RTRAF: variants seen among roughly 807,000 people sequenced by gnomAD.
RTRAF encodes tRNA-splicing ligase complex subunit RTRAF.
In RTRAF, 14 loss-of-function variants were observed where a neutral mutation model predicts 34.4. The ratio of observed to expected loss-of-function variants is 0.41; its 90% CI spans 0.27 to 0.64. The LOEUF is 0.64. Ranked by LOEUF, RTRAF falls within the 30% of genes least tolerant of loss-of-function variation. The pLI, the probability that RTRAF is intolerant of heterozygous loss-of-function variation, is 0.34. For synonymous variants in RTRAF, 96 were observed against 95.3 expected, an observed-to-expected ratio of 1.01 and a Z score of -0.04; for missense variants, 291 against 288.4, an observed-to-expected ratio of 1.01 and a Z score of -0.06.
chr14:51,995,974 T>C (rs1890515601), intron 3 of RTRAF, among the ~76,000 whole-genome samples: 1 of 152,166 alleles, frequency 6.6e-6, no homozygotes, highest in East Asian at 1.9e-4. Flanking sequence ...CAAAACTGTT[T>C]TTCATTTATT....
rs1410059313 is a variant in RTRAF, at chr14:52,007,614, T to C, written c.*3098T>C. On this transcript the variant is annotated 3_prime_UTR_variant, in exon 8 of 8. Transcript: ENST00000261700. ...CAGTACAAACTTACTGCTTGATATA[T>C]CCTTCCCTCCACCCAAACCCCAGAA... The C allele has an allele frequency of 1.7e-6, 1 of 588,064 alleles. No homozygotes were observed. 36.4% of individuals were successfully genotyped at this position (588,064 alleles called of 1,614,324 possible). A position where few individuals can be genotyped will look rare whatever the true frequency, so the allele number is the denominator to read the frequency against.
chr14:52,001,127 A>G (rs898660955), intron 5 of RTRAF, among the ~76,000 whole-genome samples: 1 of 152,212 alleles, frequency 6.6e-6, no homozygotes, highest in African/African-American at 2.4e-5. Context: ...GGTTTTTCAA[A>G]GATAGCATTT....
intron 3 of RTRAF, among the ~76,000 whole-genome samples, chr14:51,996,892 G>A (rs771488661): frequency 6.6e-6 from 1 of 152,004 alleles, no homozygotes; most frequent in Non-Finnish European, 1.5e-5. Context: ...ATCTGGAACA[G>A]TTCCTGTCTT....
At chr14:52,000,835 A>T (rs1224722889) in intron 5 of RTRAF, among the ~76,000 whole-genome samples, 1 of 152,190 alleles carries the variant, frequency 6.6e-6, no homozygotes, top group Admixed American at 6.5e-5. Context: ...TCATAAAGTA[A>T]GTGAGAGGAG....
intron 2 of RTRAF, 67 bp from the exon 3 acceptor site, chr14:51,993,656 C>A: frequency 2.1e-6 from 2 of 935,068 alleles, no homozygotes; most frequent in Non-Finnish European, 3.4e-6. Context: ...TTCAACTCTC[C>A]CATTCTTTTT....
chr14:52,005,869 G>A lies in RTRAF; in HGVS notation c.*1353G>A. The A allele has an allele frequency of 6.5e-7, 1 of 1,528,904 alleles. No homozygotes were observed. The highest frequency in any genetic ancestry group is 1.1e-5 in the South Asian group (1 of 89,330). 94.7% of individuals were successfully genotyped at this position (1,528,904 alleles called of 1,614,324 possible). A position where few individuals can be genotyped will look rare whatever the true frequency, so the allele number is the denominator to read the frequency against. ...CCATCCCTGGTAACAGAAAGGAAGA[G>A]TGAATTCAGGGACAGTCATTTACTA... On this transcript the variant is annotated 3_prime_UTR_variant, in exon 8 of 8. Coordinates refer to ENST00000261700, the MANE Select transcript of RTRAF (RefSeq NM_016039.3).
chr14:52,000,603 T>A (rs534951247), intron 5 of RTRAF, among the ~76,000 whole-genome samples: 141 of 152,314 alleles, frequency 9.3e-4, no homozygotes, highest in Admixed American at 1.6e-3. Flanking sequence ...TTTTTAGATT[T>A]TTATTATTAA....
rs1890861954 is a variant in RTRAF at position 52,008,078 on chromosome 14, A to G, written c.*3562A>G. 7.1e-6 allele frequency: 6 copies of G among 844,626 alleles called. No homozygotes were observed. In the South Asian group the frequency reaches 7.3e-5, roughly 10 times the overall value. The allele number at this position is 844,626 out of a possible 1,614,324, so 52.3% of individuals were successfully genotyped here. On this transcript the variant is annotated 3_prime_UTR_variant, in exon 8 of 8. Transcript: ENST00000261700. ...TCCTCATGTATTATAGCCTTAAGCA[A>G]TCCCCTTGAGTTTGGGCTGCATTAG...
rs1890918499 is a variant in RTRAF at position 52,009,309 on chromosome 14, A to T, written c.*4793A>T. On this transcript the variant is annotated 3_prime_UTR_variant, in exon 8 of 8. Coordinates refer to ENST00000261700, the MANE Select transcript of RTRAF (RefSeq NM_016039.3). ...AAAATGATTTAATATCATCAACAAC[A>T]ATAAGTCTGAAACAAGCTCACACAG... 6.6e-6 allele frequency: 1 copy of T among 152,226 alleles called. No individual in the cohort carries two copies. The highest frequency in any genetic ancestry group is 6.5e-5 in the Admixed American group (1 of 15,290). The allele number at this position is 152,226 out of a possible 1,614,324, so 9.4% of individuals were successfully genotyped here. A position where few individuals can be genotyped will look rare whatever the true frequency, so the allele number is the denominator to read the frequency against.
At position 52,004,644 on chromosome 14, in the gene RTRAF, T is replaced by A. The variant is rs1221847851; in HGVS notation, c.*128T>A. ...CAGAAAATTGGGTATGTTCTAGAGA[T>A]TTACCACCATTGCTTATTGCTTTTT... On this transcript the variant is annotated 3_prime_UTR_variant, in exon 8 of 8. Coordinates refer to ENST00000261700, the MANE Select transcript of RTRAF (RefSeq NM_016039.3). 1.3e-6 allele frequency: 1 copy of A among 790,632 alleles called. No homozygotes were observed. Among genetic ancestry groups the A allele is most frequent in the Non-Finnish European group, 2.0e-6 (1 of 511,202 alleles). The allele number at this position is 790,632 out of a possible 1,614,324, so 49.0% of individuals were successfully genotyped here.
In RTRAF at chr14:52,006,586, A is replaced by AG; in HGVS notation, c.*2074dup. The AG allele has an allele frequency of 6.2e-7, 1 of 1,613,884 alleles. No individual in the cohort carries two copies. The highest frequency in any genetic ancestry group is 2.2e-5 in the East Asian group (1 of 44,860). On this transcript the variant is annotated 3_prime_UTR_variant, in exon 8 of 8. Coordinates refer to ENST00000261700, the MANE Select transcript of RTRAF (RefSeq NM_016039.3). ...TGATCTGCATAGCTTACGATGCTGA[A>AG]GGGGTACTTGAGGTTGTTTTGAATG...
Position 52,007,470 on chromosome 14 carries a change from T to C in RTRAF, c.*2954T>C. The C allele has an allele frequency of 3.6e-6, 1 of 280,938 alleles. No individual in the cohort carries two copies. Among genetic ancestry groups the C allele is most frequent in the Non-Finnish European group, 6.8e-6 (1 of 147,968 alleles). The allele number at this position is 280,938 out of a possible 1,614,324, so 17.4% of individuals were successfully genotyped here. The stretch of plus-strand genomic sequence containing the variant: ...TCCTTAGCATTATAACAGATGTTTA[T>C]AGGTAAGTTATAGTGACCCTCTCCC... On this transcript the variant is annotated 3_prime_UTR_variant, in exon 8 of 8. Coordinates refer to ENST00000261700, the MANE Select transcript of RTRAF (RefSeq NM_016039.3).
At position 52,007,999 on chromosome 14, in the gene RTRAF, T is replaced by G. The variant is rs201572293; in HGVS notation, c.*3483T>G. ...GTTAAAAATCAAGATTGTAAAAGAA[T>G]AGCCATGTAGCCTGTGGTAGGCAGC... On this transcript the variant is annotated 3_prime_UTR_variant, in exon 8 of 8. Transcript: ENST00000261700. The G allele has an allele frequency of 5.1e-6, 8 of 1,570,454 alleles. No homozygotes were observed. The African/African-American group carries it at 9.6e-5, about 19-fold the overall frequency.
At chr14:51,995,399 T>C (rs992104008) in intron 3 of RTRAF, among the ~76,000 whole-genome samples, 2 of 152,272 alleles carry the variant, frequency 1.3e-5, no homozygotes, top group African/African-American at 4.8e-5. Context: ...CAGTCTCTTA[T>C]CTGATTCTGC....
At chr14:51,996,435 C>T (rs1253682) in intron 3 of RTRAF, among the ~76,000 whole-genome samples, 79,577 of 151,802 alleles carry the variant, frequency 0.52, 21,198 homozygotes, top group East Asian at 0.71. Flanking sequence ...TTATTATTTG[C>T]GCTCTACTAT....
chr14:51,995,674 T>C (rs1305699957), intron 3 of RTRAF, among the ~76,000 whole-genome samples: 3 of 152,180 alleles, frequency 2.0e-5, no homozygotes, highest in East Asian at 3.9e-4. Flanking sequence ...ATGCAGTATA[T>C]GTGAGTGTTT....
chr14:52,009,222 A>T lies in RTRAF; in HGVS notation c.*4706A>T, dbSNP rs143636514. On this transcript the variant is annotated 3_prime_UTR_variant, in exon 8 of 8. Transcript: ENST00000261700. ...CAGTTTCCACTTTGCGCTAAGGTGG[A>T]GGTGGCCAGAGGGTACAGCATGCAT... The T allele has an allele frequency of 1.3e-5, 2 of 152,324 alleles. No individual in the cohort carries two copies. The highest frequency in any genetic ancestry group is 3.9e-4 in the East Asian group (2 of 5,182). 9.4% of individuals were successfully genotyped at this position (152,324 alleles called of 1,614,324 possible). A position where few individuals can be genotyped will look rare whatever the true frequency, so the allele number is the denominator to read the frequency against.
Position 52,005,459 on chromosome 14 carries a change from T to C in RTRAF, c.*943T>C. 1 of 1,576,892 alleles carries C rather than the reference T, an allele frequency of 6.3e-7. No individual in the cohort carries two copies. Among genetic ancestry groups the C allele is most frequent in the Non-Finnish European group, 8.6e-7 (1 of 1,165,250 alleles). Reference sequence around the variant, plus strand: ...TAGGGTCCAGGTTCTGATTGTAAACTCCAAGTCTTCCTTTACATTACTGTA... The same window carrying C: ...TAGGGTCCAGGTTCTGATTGTAAACCCCAAGTCTTCCTTTACATTACTGTA... On this transcript the variant is annotated 3_prime_UTR_variant, in exon 8 of 8. Coordinates refer to ENST00000261700, the MANE Select transcript of RTRAF (RefSeq NM_016039.3).
intron 3 of RTRAF, among the ~76,000 whole-genome samples, chr14:51,997,360 T>G (rs567732651): frequency 6.6e-5 from 10 of 152,098 alleles, no homozygotes; most frequent in African/African-American, 2.4e-4. Flanking sequence ...ATTTACTTGT[T>G]TAAATCAGTA....
Sources: gnomAD v4.1 joint callset for allele counts (sites outside exome capture counted in the v4.1 genomes callset) on GRCh38, gnomAD v4.1.1 for gene constraint, MANE v1.5 for transcripts, NCBI Gene and HGNC (gene_info 2026-07-23, HGNC 2026-07-21) for gene names.